Variants in FHOD3 observed in about 807,000 individuals in gnomAD.
FHOD3 encodes formin homology 2 domain containing 3, also known as FH1/FH2 domain-containing protein 3.
FHOD3 carries 90 observed loss-of-function variants against 173.0 expected under a neutral mutation model. The observed-to-expected ratio is 0.52, with a 90% CI of 0.44 to 0.62. The LOEUF is 0.62. Ranked by LOEUF, FHOD3 falls within the 20% of genes least tolerant of loss-of-function variation. The probability of loss-of-function intolerance (pLI) is 0.00; values close to 1 mark genes in which losing one functional copy is unlikely to be tolerated. For synonymous variants in FHOD3, 828 were observed against 823.0 expected, an observed-to-expected ratio of 1.01 and a Z score of -0.10; for missense variants, 1,945 against 2,034.7, an observed-to-expected ratio of 0.96 and a Z score of 0.85.
intron 17 of FHOD3, among the ~76,000 whole-genome samples, 200 bp from the exon 18 acceptor site, chr18:36,708,895 T>C (rs1010005691): frequency 6.6e-6 from 1 of 152,176 alleles, no homozygotes; most frequent in Non-Finnish European, 1.5e-5. Flanking sequence ...GGTCACTGAC[T>C]AGGGACTTTC....
intron 7 of FHOD3, among the ~76,000 whole-genome samples, chr18:36,598,493 C>G (rs1159508701): frequency 6.6e-6 from 1 of 152,094 alleles, no homozygotes; most frequent in Non-Finnish European, 1.5e-5. Context: ...GGATAAAAGC[C>G]AAAGGGGTTA....
chr18:36,664,777 T>TGTGAGAGAGA (rs1555798228), intron 14 of FHOD3, among the ~76,000 whole-genome samples: 25 of 129,612 alleles, frequency 1.9e-4, no homozygotes, highest in Admixed American at 6.2e-4. Flanking sequence ...TGTGTGTATG[T>TGTGAGAGAGA]GAGAGAGAGA....
chr18:36,643,484 C>G (rs974344744), intron 10 of FHOD3, among the ~76,000 whole-genome samples: 10 of 152,102 alleles, frequency 6.6e-5, no homozygotes, highest in African/African-American at 2.2e-4. Context: ...TAGGGTATAG[C>G]AATACAACTT....
chr18:36,547,500 G>A lies in FHOD3; in HGVS notation c.512-28951G>A, dbSNP rs549701811. On this transcript the variant is annotated intron_variant, in intron 5 of 28. Transcript: ENST00000590592. ...GTTGGCCAGGCTGGTCTTGAACTCCGGACCTCAGGTGATCTGCCTGCCTTG... is the reference window on the plus strand; with the variant it reads ...GTTGGCCAGGCTGGTCTTGAACTCCAGACCTCAGGTGATCTGCCTGCCTTG... Among the ~76,000 whole-genome samples, 24 of 152,088 alleles carry A rather than the reference G, an allele frequency of 1.6e-4. 1 individual carries two copies. The highest frequency in any genetic ancestry group is 4.3e-4 in the African/African-American group (18 of 41,484).
chr18:36,625,399 C>T (rs1416181483), intron 9 of FHOD3, 112 bp from the exon 10 acceptor site: 12 of 1,002,082 alleles, frequency 1.2e-5, no homozygotes, highest in Middle Eastern at 3.6e-4. Context: ...GTGCAGTTTG[C>T]GAAGACAGAG....
intron 3 of FHOD3, among the ~76,000 whole-genome samples, chr18:36,409,089 GT>G (rs1314341522): frequency 6.6e-6 from 1 of 152,166 alleles, no homozygotes; most frequent in Non-Finnish European, 1.5e-5. Context: ...ACCGGGCTGA[GT>G]CTTGCGGCCC....
chr18:36,399,195 G>A (rs1360700743), intron 3 of FHOD3, among the ~76,000 whole-genome samples: 1 of 152,154 alleles, frequency 6.6e-6, no homozygotes, highest in Non-Finnish European at 1.5e-5. Context: ...GTGTAGCTCA[G>A]GTGCTTCTCC....
At chr18:36,325,881 A>C (rs1354478746) in intron 1 of FHOD3, among the ~76,000 whole-genome samples, 1 of 152,268 alleles carries the variant, frequency 6.6e-6, no homozygotes, top group East Asian at 1.9e-4. Flanking sequence ...TGGGCAGTGC[A>C]GAAGGCTTCT....
chr18:36,736,335 A>G (rs1222944223), intron 20 of FHOD3, among the ~76,000 whole-genome samples: 1 of 152,218 alleles, frequency 6.6e-6, no homozygotes, highest in Non-Finnish European at 1.5e-5. Flanking sequence ...TTTTCATGTG[A>G]GGTGGTTGCT....
intron 8 of FHOD3, among the ~76,000 whole-genome samples, chr18:36,608,303 C>T (rs1052945417): frequency 7.2e-5 from 11 of 152,330 alleles, no homozygotes; most frequent in East Asian, 1.9e-4. Flanking sequence ...TGTGCTATCC[C>T]GTAGTGGGAT....
intron 14 of FHOD3, 47 bp from the exon 15 acceptor site, chr18:36,681,389 T>C (rs2038226058): frequency 6.2e-7 from 1 of 1,610,094 alleles, no homozygotes; most frequent in East Asian, 2.2e-5. Context: ...TTCAGTACTT[T>C]TAATCACAGG....
intron 3 of FHOD3, among the ~76,000 whole-genome samples, chr18:36,494,722 T>C (rs368736565): frequency 5.3e-5 from 8 of 152,334 alleles, no homozygotes; most frequent in Admixed American, 2.0e-4. Flanking sequence ...CTTGGGGCTG[T>C]GCTGGGGGGA....
chr18:36,597,778 G>A (rs1326825121), intron 7 of FHOD3, among the ~76,000 whole-genome samples: 1 of 149,294 alleles, frequency 6.7e-6, no homozygotes, highest in African/African-American at 2.5e-5. Context: ...AACTGCTGTT[G>A]TCTGTCTGCT....
At chr18:36,644,251 C>T (rs978377742) in intron 10 of FHOD3, among the ~76,000 whole-genome samples, 6 of 152,192 alleles carry the variant, frequency 3.9e-5, no homozygotes, top group Non-Finnish European at 5.9e-5. Context: ...CCCAGAATTC[C>T]TTAGCACAAT....
chr18:36,693,450 A>G (rs2039082222), intron 17 of FHOD3, 27 bp downstream of exon 17: 3 of 1,598,120 alleles, frequency 1.9e-6, no homozygotes, highest in South Asian at 1.1e-5. Context: ...TAGAGGGAAA[A>G]TGAACAGGTT....
chr18:36,428,377 A>G (rs1411312808), intron 3 of FHOD3, among the ~76,000 whole-genome samples: 8 of 152,140 alleles, frequency 5.3e-5, no homozygotes, highest in East Asian at 1.9e-4. Context: ...TGTTTTGACA[A>G]ATTGCAAAAT....
chr18:36,404,723 C>T (rs536064658), intron 3 of FHOD3, among the ~76,000 whole-genome samples: 1 of 152,276 alleles, frequency 6.6e-6, no homozygotes, highest in East Asian at 1.9e-4. Flanking sequence ...AAGGGAAATG[C>T]ACTGGGTAGC....
chr18:36,639,828 T>TTC (rs397944010), intron 10 of FHOD3, among the ~76,000 whole-genome samples: 1 of 148,942 alleles, frequency 6.7e-6, no homozygotes, highest in African/African-American at 2.5e-5. Flanking sequence ...TTTTTTTTTT[T>TTC]AAACACAAAG....
chr18:36,429,948 T>A (rs981234855), intron 3 of FHOD3, among the ~76,000 whole-genome samples: 1 of 152,140 alleles, frequency 6.6e-6, no homozygotes, highest in Non-Finnish European at 1.5e-5. Context: ...TCGACCAGAC[T>A]CTGCAAGCTC....
Sources: gnomAD v4.1 joint callset for allele counts (sites outside exome capture counted in the v4.1 genomes callset) on GRCh38, gnomAD v4.1.1 for gene constraint, MANE v1.5 for transcripts, NCBI Gene and HGNC (gene_info 2026-07-23, HGNC 2026-07-21) for gene names.